The following TAS1R2 variants were observed in gnomAD, a reference collection of about 807,000 sequenced individuals.
TAS1R2 encodes the protein taste 1 receptor member 2, also known as taste receptor type 1 member 2.
In TAS1R2, 47 loss-of-function variants were observed where a neutral mutation model predicts 49.3. That is an observed-to-expected ratio of 0.95 (90% CI 0.75 to 1.22). TAS1R2 has a LOEUF of 1.22. Among genes scored for constraint, TAS1R2 ranks in the 50% most tolerant of loss-of-function variants. The pLI, the probability that TAS1R2 is intolerant of heterozygous loss-of-function variation, is 0.00. For synonymous variants in TAS1R2, 479 were observed against 467.9 expected, an observed-to-expected ratio of 1.02 and a Z score of -0.31; for missense variants, 1,155 against 1,122.1, an observed-to-expected ratio of 1.03 and a Z score of -0.42.
chr1:18,840,637 C>A (rs1166364675), intron 5 of TAS1R2, 110 bp from the exon 6 acceptor site: 5 of 1,128,208 alleles, frequency 4.4e-6, no homozygotes, highest in African/African-American at 1.5e-5. Context: ...GCACCAAGGG[C>A]AACCCTTGCA....
At chr1:18,844,833 A>G (rs1418449371) in intron 4 of TAS1R2, among the ~76,000 whole-genome samples, 1 of 152,188 alleles carries the variant, frequency 6.6e-6, no homozygotes, top group Non-Finnish European at 1.5e-5. Flanking sequence ...AGCCACCCCA[A>G]GGCCTGCACA....
chr1:18,857,388 G>T (rs1934155291), exon 2 of TAS1R2: 2 of 1,614,114 alleles, frequency 1.2e-6, no homozygotes, highest in Admixed American at 1.7e-5. Context: ...ACTCGGAGTT[G>T]TCAGGGCCAA....
At chr1:18,856,671 A>G (rs1934140912) in intron 2 of TAS1R2, among the ~76,000 whole-genome samples, 1 of 152,246 alleles carries the variant, frequency 6.6e-6, no homozygotes, top group Non-Finnish European at 1.5e-5. Flanking sequence ...TAGATGCTTC[A>G]TGTAAAAGTA....
rs538912758 is a variant in TAS1R2 at position 18,854,459 on chromosome 1, C to G, written c.1011G>C (p.Glu337Asp). Reference sequence around the variant, plus strand: ...CAGCCTGTGGGCCCCACTCGCGGAACTCACTGAAGCCCGGGATGGGCACGC... The same window carrying G: ...CAGCCTGTGGGCCCCACTCGCGGAAGTCACTGAAGCCCGGGATGGGCACGC... The change falls in exon 3 of 6, where the codon GAG becomes GAC. Residue 337 changes from glutamate to aspartate, a missense_variant. Transcript: ENST00000375371. This position sits in a 1 kb window ranked among gnomAD's most constrained non-coding sequence, Gnocchi z 4.9. 3.1e-6 allele frequency: 5 copies of G among 1,614,210 alleles called. No individual in the cohort carries two copies. Among genetic ancestry groups the G allele is most frequent in the Admixed American group, 1.7e-5 (1 of 60,028 alleles).
Position 18,840,056 on chromosome 1 carries a change from A to G in TAS1R2, c.2063T>C (p.Leu688Pro), listed in dbSNP as rs368232043. The G allele has an allele frequency of 1.3e-5, 21 of 1,614,208 alleles. No individual in the cohort carries two copies. In the African/African-American group the frequency reaches 2.8e-4, roughly 22 times the overall value. ...GCCAATTACCACAATGACCATTTTG[A>G]GTACCGTGATAAATGCCATAGAGAC... The change falls in exon 6 of 6, where the codon CTC (leucine) becomes CCC (proline). Residue 688 changes from leucine (L) to proline (P), a missense_variant. Leu to Pro is a moderately conservative substitution (Grantham distance 98, BLOSUM62 -3). Transcript: ENST00000375371.
rs577863777 is a variant in TAS1R2, at chr1:18,854,754, G to A, written c.716C>T (p.Thr239Met). 7.8e-5 allele frequency: 125 copies of A among 1,610,756 alleles called. No individual in the cohort carries two copies. The highest frequency in any genetic ancestry group is 6.2e-4 in the Admixed American group (37 of 59,886). The change falls in exon 3 of 6, where the codon ACG becomes ATG. Residue 239 changes from threonine to methionine, a missense_variant. By Grantham distance (81) the Thr-to-Met change is moderately conservative. Coordinates refer to ENST00000375371, the Ensembl canonical transcript of TAS1R2. The surrounding 1 kb of genome is among the most constrained non-coding windows in gnomAD (Gnocchi z 4.9). The stretch of plus-strand genomic sequence containing the variant: ...CTGGTTGGGCTGCAGTGTGGGCAGC[G>A]TCTCCTGGAAGGCGATGCAGATGTC...
Position 18,854,882 on chromosome 1 carries a change from C to G in TAS1R2, c.588G>C (p.Gln196His), listed in dbSNP as rs776521464. ...AGTTCCAGCGGAAGTGCAGCATCAG[C>G]TGCACCATGGCCTCGATGTGGTGGT... The change falls in exon 3 of 6, where the codon CAG becomes CAC. Residue 196 changes from glutamine to histidine, a missense_variant. Transcript: ENST00000375371. The surrounding 1 kb of genome is among the most constrained non-coding windows in gnomAD (Gnocchi z 4.9). The G allele has an allele frequency of 3.7e-6, 6 of 1,612,800 alleles. No individual in the cohort carries two copies. Among genetic ancestry groups the G allele is most frequent in the Non-Finnish European group, 5.1e-6 (6 of 1,179,922 alleles).
At chr1:18,851,608 T>C (rs1934027066) in intron 3 of TAS1R2, among the ~76,000 whole-genome samples, 1 of 152,106 alleles carries the variant, frequency 6.6e-6, no homozygotes, top group African/African-American at 2.4e-5. Context: ...GGATTACAGG[T>C]GTGAGCCACC....
intron 3 of TAS1R2, among the ~76,000 whole-genome samples, chr1:18,853,406 T>C (rs1461010323): frequency 6.6e-6 from 1 of 152,124 alleles, no homozygotes; most frequent in Non-Finnish European, 1.5e-5. Context: ...GTGTTTAAGG[T>C]TGCAAGGTTA....
chr1:18,841,518 T>C (rs1410310461), intron 5 of TAS1R2, among the ~76,000 whole-genome samples: 1 of 152,142 alleles, frequency 6.6e-6, no homozygotes, highest in South Asian at 2.1e-4. Flanking sequence ...TCTCCCTCCC[T>C]CTCTGAAGCA....
chr1:18,842,880 G>T (rs537563252), intron 4 of TAS1R2, among the ~76,000 whole-genome samples: 6 of 152,052 alleles, frequency 3.9e-5, no homozygotes, highest in Non-Finnish European at 7.4e-5. Flanking sequence ...ACAAAAATGC[G>T]AATATACTTA....
chr1:18,856,778 G>A (rs1934142339), intron 2 of TAS1R2, among the ~76,000 whole-genome samples: 1 of 152,130 alleles, frequency 6.6e-6, no homozygotes, highest in South Asian at 2.1e-4. Flanking sequence ...GCCTGTACCA[G>A]TACTGCACTT....
At chr1:18,849,579 A>G in intron 3 of TAS1R2, 29 bp from the exon 4 acceptor site, 1 of 1,610,370 alleles carries the variant, frequency 6.2e-7, no homozygotes, top group South Asian at 1.1e-5. Flanking sequence ...AGGGAAGTGG[A>G]GCTAGCATCA....
intron 4 of TAS1R2, among the ~76,000 whole-genome samples, chr1:18,848,522 C>G (rs753879216): frequency 4.0e-5 from 6 of 151,090 alleles, no homozygotes; most frequent in Admixed American, 2.6e-4. Context: ...CCCTAATCCC[C>G]GGGACACAGA....
At position 18,845,709 on chromosome 1, in the gene TAS1R2, A is replaced by T. The variant is rs554754179; in HGVS notation, c.1467+3632T>A. ...TGGAGTAGGAAGGAGTAGGTCTGGC[A>T]CCCAAGGACTCACCAGGCAACCCTG... is the stretch of plus-strand genomic sequence containing the variant. On this transcript the variant is annotated intron_variant, in intron 4 of 5. Transcript: ENST00000375371. Among the ~76,000 whole-genome samples, 15 of 152,234 alleles carry T rather than the reference A, an allele frequency of 9.9e-5. No homozygotes were observed. In the South Asian group the frequency reaches 3.1e-3, roughly 32 times the overall value.
chr1:18,842,799 G>T (rs1224356180), intron 4 of TAS1R2, among the ~76,000 whole-genome samples: 2 of 152,180 alleles, frequency 1.3e-5, no homozygotes, highest in Non-Finnish European at 2.9e-5. Context: ...GAGGAAGGAA[G>T]AAATGGGGAG....
chr1:18,841,984 G>GAAA (rs35542368), intron 4 of TAS1R2, 132 bp from the exon 5 acceptor site: 622 of 341,026 alleles, frequency 1.8e-3, no homozygotes, highest in South Asian at 2.9e-3. Flanking sequence ...GGAAACTGTA[G>GAAA]AAAAAAAAAA....
chr1:18,852,842 C>A lies in TAS1R2; in HGVS notation c.1257+1371G>T, dbSNP rs552692248. On this transcript the variant is annotated intron_variant, in intron 3 of 5. Coordinates refer to ENST00000375371, the Ensembl canonical transcript of TAS1R2. ...GATGCCCCTGCTCTGTGCACAGGTG[C>A]AATTCTGACTTCTTGCTGCACTTGG... 3.9e-5 allele frequency among the ~76,000 whole-genome samples: 6 copies of A among 152,336 alleles called. No individual in the cohort carries two copies. The East Asian group carries it at 9.7e-4, about 25-fold the overall frequency.
chr1:18,853,417 G>A (rs1332103793), intron 3 of TAS1R2, among the ~76,000 whole-genome samples: 1 of 152,180 alleles, frequency 6.6e-6, no homozygotes, highest in Non-Finnish European at 1.5e-5. Flanking sequence ...TGCAAGGTTA[G>A]GATCTGAGAT....
Sources: gnomAD v4.1 joint callset for allele counts (sites outside exome capture counted in the v4.1 genomes callset) on GRCh38, gnomAD v4.1.1 for gene constraint, Gnocchi (gnomAD v3.1) non-coding constraint, MANE v1.5 for transcripts, NCBI Gene and HGNC (gene_info 2026-07-23, HGNC 2026-07-21) for gene names.